Variants in GMDS observed in about 807,000 individuals in gnomAD.
GMDS encodes the protein GDP-mannose 4,6-dehydratase, also known as GDP-mannose 4,6 dehydratase.
A neutral mutation model predicts 49.9 loss-of-function variants in GMDS; 20 were observed. The ratio of observed to expected loss-of-function variants is 0.40; its 90% CI spans 0.28 to 0.58. The LOEUF is 0.58. Ranked by LOEUF, GMDS falls within the 20% of genes least tolerant of loss-of-function variation. The pLI is 0.42. For missense variants in GMDS, 362 were observed against 481.4 expected (o/e 0.75, Z 2.32); for synonymous variants, 177 against 178.6 (o/e 0.99, Z 0.07).
At chr6:2,094,570 G>GA (rs11382360) in intron 4 of GMDS, among the ~76,000 whole-genome samples, 80,990 of 152,022 alleles carry the variant, frequency 0.53, 21,776 homozygotes, top group East Asian at 0.69. Flanking sequence ...TAAGTACTTG[G>GA]AAAAAACGGA....
At chr6:2,000,548 C>A (rs1486780841) in intron 4 of GMDS, among the ~76,000 whole-genome samples, 1 of 152,138 alleles carries the variant, frequency 6.6e-6, no homozygotes, top group Non-Finnish European at 1.5e-5. Flanking sequence ...TGTAAGCTAC[C>A]TCTTTCGATT....
chr6:1,862,830 T>C (rs1262585360), intron 7 of GMDS, among the ~76,000 whole-genome samples: 1 of 152,212 alleles, frequency 6.6e-6, no homozygotes, highest in Non-Finnish European at 1.5e-5. Flanking sequence ...AGAGCTATAG[T>C]TTTTATGCAT....
chr6:2,244,627 C>T (rs1288038370), intron 1 of GMDS, among the ~76,000 whole-genome samples: 3 of 152,208 alleles, frequency 2.0e-5, no homozygotes, highest in Non-Finnish European at 2.9e-5. Context: ...CTCTTGATTA[C>T]CTTACTCGAC....
At chr6:1,660,894 G>C (rs563934333) in intron 9 of GMDS, among the ~76,000 whole-genome samples, 1 of 151,380 alleles carries the variant, frequency 6.6e-6, no homozygotes, top group East Asian at 1.9e-4. Context: ...TAGTTCCACA[G>C]GTTTGTAAAT....
chr6:2,014,757 T>C (rs1435792231), intron 4 of GMDS, among the ~76,000 whole-genome samples: 1 of 152,108 alleles, frequency 6.6e-6, no homozygotes, highest in African/African-American at 2.4e-5. Flanking sequence ...AGTCTAAATA[T>C]ACTAATTAGA....
chr6:1,726,742 C>T (rs975476339), intron 8 of GMDS, among the ~76,000 whole-genome samples: 11 of 152,068 alleles, frequency 7.2e-5, no homozygotes, highest in Admixed American at 3.9e-4. Context: ...AAAATCATGA[C>T]GAATTCAGAA....
At chr6:1,891,721 G>A (rs1293452189) in intron 7 of GMDS, among the ~76,000 whole-genome samples, 1 of 152,184 alleles carries the variant, frequency 6.6e-6, no homozygotes, top group African/African-American at 2.4e-5. Flanking sequence ...GCACATTCGT[G>A]GGTCCCACCC....
chr6:2,219,372 T>G (rs909947042), intron 1 of GMDS, among the ~76,000 whole-genome samples: 3 of 152,178 alleles, frequency 2.0e-5, no homozygotes, highest in East Asian at 1.9e-4. Context: ...CAGCCAACAG[T>G]GCATCCTGTT....
At chr6:2,057,604 A>G (rs373748035) in intron 4 of GMDS, among the ~76,000 whole-genome samples, 26 of 152,300 alleles carry the variant, frequency 1.7e-4, no homozygotes, top group South Asian at 4.1e-4. Context: ...CACAAATTAA[A>G]CTGCATCTCT....
chr6:2,124,705 C>G lies in GMDS; in HGVS notation c.129G>C (p.Leu43=), dbSNP rs757340256. The G allele has an allele frequency of 1.9e-6, 3 of 1,613,672 alleles. No individual in the cohort carries two copies. In the South Asian group the frequency reaches 3.3e-5, roughly 18 times the overall value. Residue 43 remains leucine (L), a synonymous_variant, in exon 2 of 11, where the codon CTG becomes CTC. Transcript: ENST00000380815. ...GQDGSYLAEF[L]LEKGYEVHGI... The stretch of plus-strand genomic sequence containing the variant: ...CACCCACCTCATAGCCTTTCTCCAG[C>G]AGGAACTCAGCCAGGTAGGAACCAT...
intron 4 of GMDS, among the ~76,000 whole-genome samples, chr6:1,987,390 T>C (rs1393235110): frequency 6.6e-6 from 1 of 152,216 alleles, no homozygotes; most frequent in African/African-American, 2.4e-5. Context: ...TTTTCTCTCA[T>C]TTTACTCTTT....
intron 1 of GMDS, among the ~76,000 whole-genome samples, chr6:2,185,083 C>A (rs767257289): frequency 2.6e-5 from 4 of 152,208 alleles, no homozygotes; most frequent in Non-Finnish European, 4.4e-5. Context: ...GTCAAGCCGA[C>A]AAGGCAAAGC....
At chr6:1,866,712 C>T (rs1034183382) in intron 7 of GMDS, among the ~76,000 whole-genome samples, 5 of 152,222 alleles carry the variant, frequency 3.3e-5, no homozygotes, top group Admixed American at 1.3e-4. Flanking sequence ...CTGGGCCACA[C>T]TACAGCACCA....
chr6:1,659,906 T>C (rs921419114), intron 9 of GMDS, among the ~76,000 whole-genome samples: 1 of 151,698 alleles, frequency 6.6e-6, no homozygotes, highest in Non-Finnish European at 1.5e-5. Context: ...CCCAATTAGT[T>C]TCCCTGACAT....
At chr6:1,909,977 G>T (rs1458915525) in intron 7 of GMDS, among the ~76,000 whole-genome samples, 1 of 152,204 alleles carries the variant, frequency 6.6e-6, no homozygotes, top group African/African-American at 2.4e-5. Context: ...GCTCATCTGA[G>T]ATGAGGTGTG....
chr6:1,952,292 AAT>A (rs987812254), intron 6 of GMDS, among the ~76,000 whole-genome samples: 1 of 152,246 alleles, frequency 6.6e-6, no homozygotes, highest in African/African-American at 2.4e-5. Flanking sequence ...AAAATTAAAA[AAT>A]AGAGAAAAAT....
chr6:2,156,591 T>C (rs1266262545), intron 1 of GMDS, among the ~76,000 whole-genome samples: 1 of 152,246 alleles, frequency 6.6e-6, no homozygotes, highest in African/African-American at 2.4e-5. Context: ...AGTGTAGTGA[T>C]ACTTTGTTTT....
intron 4 of GMDS, among the ~76,000 whole-genome samples, chr6:1,966,679 C>T (rs1422642970): frequency 6.6e-6 from 1 of 152,216 alleles, no homozygotes; most frequent in East Asian, 1.9e-4. Flanking sequence ...CAGGGCACCT[C>T]TTGGAGCAAC....
intron 1 of GMDS, among the ~76,000 whole-genome samples, chr6:2,199,817 T>C (rs1401768772): frequency 1.3e-5 from 2 of 152,210 alleles, no homozygotes; most frequent in Non-Finnish European, 2.9e-5. Flanking sequence ...TTAACCACTT[T>C]TCAGCAGTAC....
Sources: allele counts gnomAD v4.1 joint callset (sites outside exome capture counted in the v4.1 genomes callset), GRCh38; gene constraint gnomAD v4.1.1; transcripts MANE v1.5; gene names NCBI Gene and HGNC (gene_info 2026-07-23, HGNC 2026-07-21).